Variants in RBMS1 observed in about 807,000 individuals in gnomAD.
The protein encoded by RBMS1 is RNA binding motif single stranded interacting protein 1, also known as RNA-binding motif, single-stranded-interacting protein 1.
In RBMS1, 17 loss-of-function variants were observed where a neutral mutation model predicts 62.3. That is an observed-to-expected ratio of 0.27 (90% CI 0.19 to 0.41). The LOEUF (loss-of-function observed/expected upper bound fraction) is 0.41, where lower values mean the gene tolerates loss of function less well. Ranked by LOEUF, RBMS1 falls within the 10% of genes least tolerant of loss-of-function variation. The pLI is 1.00. For synonymous variants in RBMS1, 172 were observed against 170.0 expected, an observed-to-expected ratio of 1.01 and a Z score of -0.09; for missense variants, 334 against 504.5, an observed-to-expected ratio of 0.66 and a Z score of 3.24.
chr2:160,330,538 G>A (rs1691205416), intron 2 of RBMS1, among the ~76,000 whole-genome samples: 1 of 151,652 alleles, frequency 6.6e-6, no homozygotes, highest in Non-Finnish European at 1.5e-5. Context: ...GGGAAAAATA[G>A]GTCTTATACA....
rs1275647157 is a variant in RBMS1 at position 160,318,226 on chromosome 2, A to G, written c.253T>C (p.Tyr85His). The change falls in exon 3 of 14, where the codon TAT (tyrosine) becomes CAT (histidine). Residue 85 changes from tyrosine (Y) to histidine (H), a missense_variant and splice_region_variant. Physicochemically the swap from Tyr to His is moderately conservative, Grantham distance 83. This residue lies in a region of RBMS1 where 150 missense variants were observed against 228.0 expected (regional missense o/e 0.66). Coordinates refer to ENST00000348849, the MANE Select transcript of RBMS1 (RefSeq NM_016836.4). ...DQDLVKLCQP[Y>H]GKIVSTKAIL... ...GCCTTTGTGGAGACTATTTTCCCAT[A>G]TCTAAAAAAAAAAAAAAAAAAAAAA... 2.2e-6 allele frequency: 3 copies of G among 1,391,812 alleles called. No individual in the cohort carries two copies. The highest frequency in any genetic ancestry group is 3.1e-5 in the South Asian group (2 of 64,914). 86.2% of individuals were successfully genotyped at this position (1,391,812 alleles called of 1,614,324 possible).
At chr2:160,388,338 C>G (rs1312601175) in intron 1 of RBMS1, among the ~76,000 whole-genome samples, 1 of 152,166 alleles carries the variant, frequency 6.6e-6, no homozygotes, top group Non-Finnish European at 1.5e-5. Flanking sequence ...AAAATGCCCC[C>G]CACATTGTTT....
intron 2 of RBMS1, 93 bp downstream of exon 2, chr2:160,367,123 T>C: frequency 7.8e-7 from 1 of 1,288,952 alleles, no homozygotes; most frequent in Non-Finnish European, 1.1e-6. Context: ...AGATACTTCT[T>C]ATAAACTTCT....
chr2:160,466,012 A>G (rs1432889805), intron 1 of RBMS1, among the ~76,000 whole-genome samples: 2 of 152,220 alleles, frequency 1.3e-5, no homozygotes, highest in Non-Finnish European at 2.9e-5. Flanking sequence ...TTTAAAATGT[A>G]TCTATGTATG....
intron 5 of RBMS1, chr2:160,302,401 C>T (rs887275386): frequency 1.3e-5 from 2 of 151,834 alleles, no homozygotes; most frequent in African/African-American, 2.4e-5. Flanking sequence ...CACTATGTTG[C>T]CCAGGCTGGT....
rs531458141 is a variant in RBMS1 at position 160,331,560 on chromosome 2, A to AT, written c.252-13334dup. Among the ~76,000 whole-genome samples the AT allele has an allele frequency of 2.3e-3, 355 of 152,340 alleles. 1 individual carries two copies. The highest frequency in any genetic ancestry group is 8.2e-3 in the African/African-American group (339 of 41,584). On this transcript the variant is annotated intron_variant, in intron 2 of 13. Coordinates refer to ENST00000348849, the MANE Select transcript of RBMS1 (RefSeq NM_016836.4). ...TGAGGCCTCAGCATAGTGCCTGAAA[A>AT]TAATAAACATTTGACATTCAGAAGA... is the stretch of plus-strand genomic sequence containing the variant.
At chr2:160,382,501 T>A (rs2105191299) in intron 1 of RBMS1, among the ~76,000 whole-genome samples, 1 of 152,344 alleles carries the variant, frequency 6.6e-6, no homozygotes, top group Middle Eastern at 3.4e-3. Flanking sequence ...TTATTACCTT[T>A]GCATACATGG....
chr2:160,461,572 G>A (rs1684466919), intron 1 of RBMS1, among the ~76,000 whole-genome samples: 1 of 152,200 alleles, frequency 6.6e-6, no homozygotes, highest in Non-Finnish European at 1.5e-5. Context: ...GCTGCGGTTG[G>A]CTGGTCCAGC....
chr2:160,463,316 T>A (rs1684548501), intron 1 of RBMS1, among the ~76,000 whole-genome samples: 1 of 152,354 alleles, frequency 6.6e-6, no homozygotes, highest in East Asian at 1.9e-4. Flanking sequence ...AACCTTTCAG[T>A]AGATATCTAC....
At chr2:160,476,616 G>A (rs976063125) in intron 1 of RBMS1, among the ~76,000 whole-genome samples, 5 of 146,108 alleles carry the variant, frequency 3.4e-5, no homozygotes, top group African/African-American at 5.1e-5. Flanking sequence ...GTGCAGTGGC[G>A]GGATCTCGGC....
At chr2:160,290,200 T>C (rs1364125482) in intron 6 of RBMS1, among the ~76,000 whole-genome samples, 2 of 149,906 alleles carry the variant, frequency 1.3e-5, no homozygotes, top group Non-Finnish European at 3.0e-5. Flanking sequence ...CAGGAGATCC[T>C]ATGTGACAGT....
chr2:160,484,733 T>C (rs1042670177), intron 1 of RBMS1, among the ~76,000 whole-genome samples: 4 of 150,762 alleles, frequency 2.7e-5, no homozygotes, highest in Non-Finnish European at 5.9e-5. Context: ...TAGCCGGGCA[T>C]GGTGGCGGGC....
At chr2:160,472,212 A>G (rs1684948753) in intron 1 of RBMS1, among the ~76,000 whole-genome samples, 1 of 152,174 alleles carries the variant, frequency 6.6e-6, no homozygotes, top group African/African-American at 2.4e-5. Context: ...TCTGGTGTTG[A>G]TGTAAACTAT....
In RBMS1 at chr2:160,493,543, TC is replaced by T; in HGVS notation, c.-181del. 2.8e-6 allele frequency: 1 copy of T among 359,934 alleles called. No individual in the cohort carries two copies. 22.3% of individuals were successfully genotyped at this position (359,934 alleles called of 1,614,324 possible). A position where few individuals can be genotyped will look rare whatever the true frequency, so the allele number is the denominator to read the frequency against. On this transcript the variant is annotated 5_prime_UTR_variant, in exon 1 of 14. Transcript: ENST00000348849. ...GACGTCCTCCTCCTCCTCCTCCTCTTCCTCCTCCTCCTCCTCCTCCTCCTCC... is the reference window on the plus strand; with the variant it reads ...GACGTCCTCCTCCTCCTCCTCCTCTTCTCCTCCTCCTCCTCCTCCTCCTCC...
intron 1 of RBMS1, among the ~76,000 whole-genome samples, chr2:160,388,791 T>C (rs1001613297): frequency 6.6e-6 from 1 of 152,248 alleles, no homozygotes; most frequent in African/African-American, 2.4e-5. Flanking sequence ...GAGGTTTTCA[T>C]GGCTCCTCTA....
At chr2:160,459,377 T>G (rs1684373028) in intron 1 of RBMS1, among the ~76,000 whole-genome samples, 1 of 152,232 alleles carries the variant, frequency 6.6e-6, no homozygotes, top group Non-Finnish European at 1.5e-5. Flanking sequence ...ATGCTTTTAC[T>G]TGATCCTCCA....
At chr2:160,377,992 G>C (rs1325527247) in intron 1 of RBMS1, among the ~76,000 whole-genome samples, 1 of 152,142 alleles carries the variant, frequency 6.6e-6, no homozygotes, top group Non-Finnish European at 1.5e-5. Context: ...TTTAAAAACT[G>C]AGTAAAATTG....
intron 1 of RBMS1, among the ~76,000 whole-genome samples, chr2:160,424,587 G>A (rs563313403): frequency 7.2e-5 from 11 of 152,164 alleles, no homozygotes; most frequent in African/African-American, 1.9e-4. Flanking sequence ...TGCTATAACC[G>A]GGAAGCTGAG....
chr2:160,277,826 G>C (rs74538673), intron 11 of RBMS1: 1,899 of 157,938 alleles, frequency 0.012, 53 homozygotes, highest in African/African-American at 0.043. Flanking sequence ...GGTCACTGCA[G>C]ATTAGGCAGC....
Sources: allele counts gnomAD v4.1 joint callset (sites outside exome capture counted in the v4.1 genomes callset), GRCh38; gene constraint gnomAD v4.1.1; regional missense constraint gnomAD v4.1.1; transcripts MANE v1.5; gene names NCBI Gene and HGNC (gene_info 2026-07-23, HGNC 2026-07-21).